PLS1: variants seen among roughly 807,000 people sequenced by gnomAD.
PLS1 encodes the protein plastin-1.
A neutral mutation model predicts 73.7 loss-of-function variants in PLS1; 32 were observed. The ratio of observed to expected loss-of-function variants is 0.43; its 90% CI spans 0.33 to 0.58. The LOEUF (loss-of-function observed/expected upper bound fraction) is 0.58, where lower values mean the gene tolerates loss of function less well. PLS1 is among the 20% of genes least tolerant of loss of function. The pLI is 0.04. For synonymous variants in PLS1, 217 were observed against 261.3 expected (o/e 0.83, Z 1.63); for missense variants, 633 against 740.5 (o/e 0.85, Z 1.68).
intron 14 of PLS1, among the ~76,000 whole-genome samples, chr3:142,710,334 C>T (rs919278359): frequency 6.6e-6 from 1 of 151,992 alleles, no homozygotes; most frequent in Non-Finnish European, 1.5e-5. Context: ...AACATAGGCC[C>T]AAATTAAATT....
chr3:142,700,558 G>A (rs1236232141), intron 12 of PLS1, among the ~76,000 whole-genome samples: 2 of 152,248 alleles, frequency 1.3e-5, no homozygotes, highest in East Asian at 1.9e-4. Context: ...TCCTGACCTC[G>A]TGATCCACCC....
At chr3:142,700,300 CATTATT>C (rs559161976) in intron 12 of PLS1, among the ~76,000 whole-genome samples, 5 of 151,094 alleles carry the variant, frequency 3.3e-5, no homozygotes, top group Admixed American at 2.0e-4. Flanking sequence ...CTTTCTTCTT[CATTATT>C]ATTATTATTA....
intron 1 of PLS1, among the ~76,000 whole-genome samples, chr3:142,619,801 C>T (rs991171319): frequency 4.6e-5 from 7 of 152,182 alleles, no homozygotes; most frequent in African/African-American, 9.6e-5. Context: ...GCAAGTAAAA[C>T]TGGGATTTTT....
rs527377895 is a variant in PLS1 at position 142,711,942 on chromosome 3, A to C, written c.1825A>C (p.Lys609Gln). The C allele has an allele frequency of 6.2e-7, 1 of 1,613,140 alleles. No homozygotes were observed. Among genetic ancestry groups the C allele is most frequent in the African/African-American group, 1.3e-5 (1 of 75,048 alleles). Residue 609 changes from lysine to glutamine, a missense_variant, in exon 16 of 16, where the codon AAA becomes CAA. Transcript: ENST00000457734. ...YALPDDLVEV[K>Q]PKMVMTVFAC... ...ATTACCTGATGACCTCGTAGAAGTG[A>C]AACCAAAGATGGTTATGACGGTGTT...
Position 142,694,515 on chromosome 3 carries a change from G to A in PLS1, c.1224G>A (p.Leu408=), listed in dbSNP as rs767832429. ...ERTFRNWMNS[L]GVNPYINHLY... ...CATTTCGGAACTGGATGAATTCCTT[G>A]GGAGTCAACCCATACATTAATCATT... Residue 408 remains leucine (L), a synonymous_variant, in exon 11 of 16, where the codon TTG becomes TTA. Coordinates refer to ENST00000457734, the MANE Select transcript of PLS1 (RefSeq NM_001145319.2). 6.2e-6 allele frequency: 10 copies of A among 1,604,016 alleles called. No individual in the cohort carries two copies. Among genetic ancestry groups the A allele is most frequent in the South Asian group, 1.1e-5 (1 of 90,794 alleles).
At position 142,713,484 on chromosome 3, in the gene PLS1, A is replaced by G. The variant is rs937939581; in HGVS notation, c.*1477A>G. 6.6e-6 allele frequency: 1 copy of G among 152,396 alleles called. No individual in the cohort carries two copies. Among genetic ancestry groups the G allele is most frequent in the African/African-American group, 2.4e-5 (1 of 41,382 alleles). The allele number at this position is 152,396 out of a possible 1,614,324, so 9.4% of individuals were successfully genotyped here. A position where few individuals can be genotyped will look rare whatever the true frequency, so the allele number is the denominator to read the frequency against. ...TTTCTTTCCCTTTTATATTTTGATG[A>G]TTGTTTTCTTAAGATTAAGATATGT... On this transcript the variant is annotated 3_prime_UTR_variant, in exon 16 of 16. Transcript: ENST00000457734.
chr3:142,651,660 TCC>T (rs1353348577), intron 1 of PLS1, among the ~76,000 whole-genome samples: 2 of 152,036 alleles, frequency 1.3e-5, no homozygotes, highest in African/African-American at 4.8e-5. Context: ...ACACAGCATT[TCC>T]ATCAAGGCTC....
chr3:142,622,207 C>G (rs1489230262), intron 1 of PLS1, among the ~76,000 whole-genome samples: 1 of 152,206 alleles, frequency 6.6e-6, no homozygotes, highest in Non-Finnish European at 1.5e-5. Context: ...TTCTTCAATA[C>G]AGATGTCCTT....
chr3:142,619,872 C>T (rs2036283448), intron 1 of PLS1, among the ~76,000 whole-genome samples: 1 of 152,142 alleles, frequency 6.6e-6, no homozygotes, highest in South Asian at 2.1e-4. Context: ...TGTCAGATTA[C>T]TCAGAGGTAT....
intron 1 of PLS1, among the ~76,000 whole-genome samples, chr3:142,630,972 C>CACACACACACACACACACACACACAT (rs1165182238): frequency 3.3e-5 from 5 of 151,442 alleles, no homozygotes; most frequent in African/African-American, 9.7e-5. Context: ...CACACACACA[C>CACACACACACACACACACACACACAT]ATAGAGGGAG....
intron 5 of PLS1, among the ~76,000 whole-genome samples, chr3:142,677,690 G>T (rs1309603613): frequency 6.6e-6 from 1 of 151,890 alleles, no homozygotes; most frequent in Non-Finnish European, 1.5e-5. Flanking sequence ...TAGGAGAAAT[G>T]CTTAGATTAC....
chr3:142,653,517 C>T (rs188576918), intron 1 of PLS1, among the ~76,000 whole-genome samples: 34 of 151,926 alleles, frequency 2.2e-4, no homozygotes, highest in African/African-American at 1.7e-4. Flanking sequence ...CAAGCCACCA[C>T]GGCCGGCTAA....
chr3:142,683,986 T>A lies in PLS1; in HGVS notation c.580-20T>A. Reference sequence around the variant, plus strand: ...TTAGAAAGGACTTCCTCATGTGTACTTTTTTTTTTGGCAATTCAGGAAAAT... The same window carrying A: ...TTAGAAAGGACTTCCTCATGTGTACATTTTTTTTTGGCAATTCAGGAAAAT... On this transcript the variant is annotated intron_variant, in intron 6 of 15. Transcript: ENST00000457734. 8.5e-7 allele frequency: 1 copy of A among 1,175,316 alleles called. No homozygotes were observed. Among genetic ancestry groups the A allele is most frequent in the Non-Finnish European group, 1.2e-6 (1 of 858,764 alleles). 72.8% of individuals were successfully genotyped at this position (1,175,316 alleles called of 1,614,324 possible).
chr3:142,659,409 A>G (rs1421210295), intron 1 of PLS1, among the ~76,000 whole-genome samples: 3 of 152,198 alleles, frequency 2.0e-5, no homozygotes, highest in African/African-American at 7.2e-5. Flanking sequence ...CTTATTTAAA[A>G]TGGTCACTAT....
intron 6 of PLS1, among the ~76,000 whole-genome samples, chr3:142,681,316 G>A (rs1316891751): frequency 1.3e-5 from 2 of 152,148 alleles, no homozygotes; most frequent in Non-Finnish European, 1.5e-5. Context: ...TAAGATAGAT[G>A]TTAATATTTT....
chr3:142,685,493 G>A (rs1261059716), intron 8 of PLS1, among the ~76,000 whole-genome samples: 2 of 152,104 alleles, frequency 1.3e-5, no homozygotes, highest in Non-Finnish European at 2.9e-5. Context: ...TTACTAACTC[G>A]ATTACATTCA....
intron 2 of PLS1, 62 bp downstream of exon 2, chr3:142,664,369 G>T: frequency 2.5e-6 from 2 of 813,244 alleles, no homozygotes; most frequent in Non-Finnish European, 2.0e-6. Flanking sequence ...CTTCAGGAAT[G>T]GAAAAATACC....
chr3:142,600,916 A>ATATATAT (rs1560024585), intron 1 of PLS1, among the ~76,000 whole-genome samples: 14 of 14,838 alleles, frequency 9.4e-4, no homozygotes, highest in Non-Finnish European at 1.3e-3. Flanking sequence ...ATATATATAT[A>ATATATAT]TTTTTTTTTT....
chr3:142,667,867 G>T (rs562342941), intron 2 of PLS1, among the ~76,000 whole-genome samples: 5 of 152,150 alleles, frequency 3.3e-5, no homozygotes, highest in Non-Finnish European at 7.4e-5. Flanking sequence ...TAAATTCAAA[G>T]AAAGCAATAT....
Sources: allele counts gnomAD v4.1 joint callset (sites outside exome capture counted in the v4.1 genomes callset), GRCh38; gene constraint gnomAD v4.1.1; transcripts MANE v1.5; gene names NCBI Gene and HGNC (gene_info 2026-07-23, HGNC 2026-07-21).